The following RUNX2 variants were observed in gnomAD, a reference collection of about 807,000 sequenced individuals.
The protein encoded by RUNX2 is runt-related transcription factor 2.
A neutral mutation model predicts 51.7 loss-of-function variants in RUNX2; 10 were observed. The ratio of observed to expected loss-of-function variants is 0.19; its 90% CI spans 0.12 to 0.33. The LOEUF (loss-of-function observed/expected upper bound fraction) is 0.33. RUNX2 is among the 10% of genes least tolerant of loss of function. The pLI, the probability that RUNX2 is intolerant of heterozygous loss-of-function variation, is 1.00. For missense variants in RUNX2, 562 were observed against 691.3 expected (o/e 0.81, Z 2.10); for synonymous variants, 276 against 273.6 (o/e 1.01, Z -0.09).
intron 2 of RUNX2, among the ~76,000 whole-genome samples, chr6:45,347,956 C>T (rs918883317): frequency 1.3e-5 from 2 of 152,002 alleles, no homozygotes; most frequent in African/African-American, 4.8e-5. Flanking sequence ...ATTCCAAAAT[C>T]TCAAACAAAT....
intron 2 of RUNX2, among the ~76,000 whole-genome samples, chr6:45,361,363 T>C (rs1179371380): frequency 6.6e-6 from 1 of 152,164 alleles, no homozygotes; most frequent in African/African-American, 2.4e-5. Context: ...TAAGCACTAC[T>C]GAGCTGTGAA....
chr6:45,337,734 A>T (rs1011564792), intron 2 of RUNX2, among the ~76,000 whole-genome samples: 1 of 151,906 alleles, frequency 6.6e-6, no homozygotes, highest in Non-Finnish European at 1.5e-5. Flanking sequence ...AAGAAAGCTA[A>T]AAACAAATCT....
At position 45,438,760 on chromosome 6, in the gene RUNX2, T is replaced by A. The variant is rs1261148939; in HGVS notation, c.685+709T>A. Among the ~76,000 whole-genome samples the A allele has an allele frequency of 2.0e-5, 3 of 152,110 alleles. No individual in the cohort carries two copies. In the East Asian group the frequency reaches 5.8e-4, roughly 29 times the overall value. ...CCTTCTAAATCTAAAATGACCGAGG[T>A]TTGCTTCCCCCACCCCCACCAAAAA... is the stretch of plus-strand genomic sequence containing the variant. On this transcript the variant is annotated intron_variant, in intron 5 of 8. Transcript: ENST00000647337.
chr6:45,496,535 T>C (rs1265232886), intron 6 of RUNX2, among the ~76,000 whole-genome samples: 1 of 152,154 alleles, frequency 6.6e-6, no homozygotes, highest in Non-Finnish European at 1.5e-5. Context: ...GGGAAGGAGC[T>C]AATTTTGATT....
At chr6:45,353,071 G>A (rs971993510) in intron 2 of RUNX2, among the ~76,000 whole-genome samples, 4 of 151,738 alleles carry the variant, frequency 2.6e-5, no homozygotes, top group African/African-American at 4.9e-5. Flanking sequence ...GTAGTTAACC[G>A]GCCCACTCAT....
intron 2 of RUNX2, among the ~76,000 whole-genome samples, chr6:45,378,621 C>T (rs1797124954): frequency 6.6e-6 from 1 of 150,764 alleles, no homozygotes; most frequent in African/African-American, 2.4e-5. Flanking sequence ...AGGCGTTTAA[C>T]TACCATGTTT....
chr6:45,490,198 G>C (rs1243530785), intron 5 of RUNX2, among the ~76,000 whole-genome samples: 2 of 152,112 alleles, frequency 1.3e-5, no homozygotes, highest in Non-Finnish European at 2.9e-5. Context: ...AGTTGTTTTG[G>C]GTCATCTCTA....
At chr6:45,516,149 G>A (rs1801312448) in intron 7 of RUNX2, among the ~76,000 whole-genome samples, 1 of 152,012 alleles carries the variant, frequency 6.6e-6, no homozygotes, top group Admixed American at 6.6e-5. Flanking sequence ...GACCATTTTT[G>A]GAAGGAAGGT....
rs188746602 is a variant in RUNX2 at position 45,477,721 on chromosome 6, G to A, written c.686-14220G>A. On this transcript the variant is annotated intron_variant, in intron 5 of 8. Transcript: ENST00000647337. ...CAGTGTTTATCTTCTGACTTATAAC[G>A]TAAAAACAATTTCCTAACTGGTTTT... Among the ~76,000 whole-genome samples the A allele has an allele frequency of 5.3e-5, 8 of 152,258 alleles. No homozygotes were observed. In the East Asian group the frequency reaches 9.7e-4, roughly 18 times the overall value.
chr6:45,490,444 C>T (rs1344315636), intron 5 of RUNX2, among the ~76,000 whole-genome samples: 1 of 152,124 alleles, frequency 6.6e-6, no homozygotes, highest in African/African-American at 2.4e-5. Context: ...CAGCTACACT[C>T]ATATTACCAA....
chr6:45,402,594 C>T (rs573575553), intron 2 of RUNX2, among the ~76,000 whole-genome samples: 28 of 152,210 alleles, frequency 1.8e-4, no homozygotes, highest in South Asian at 1.4e-3. Flanking sequence ...CAGCTGGGCA[C>T]GGTGGCTCAC....
chr6:45,397,794 A>G (rs1797614844), intron 2 of RUNX2, among the ~76,000 whole-genome samples: 1 of 152,214 alleles, frequency 6.6e-6, no homozygotes, highest in Non-Finnish European at 1.5e-5. Context: ...TTATGCAAGA[A>G]TCATGCATAT....
In RUNX2 at chr6:45,445,585, T is replaced by C. The variant is rs567556355; in HGVS notation, c.685+7534T>C. On this transcript the variant is annotated intron_variant, in intron 5 of 8. Coordinates refer to ENST00000647337, the MANE Select transcript of RUNX2 (RefSeq NM_001024630.4). ...GTAGAGAAGCCCTTAACTTCCTGAC[T>C]TTCAGACTTCCCCTGGGTTCTTCAC... Among the ~76,000 whole-genome samples the C allele has an allele frequency of 2.0e-5, 3 of 152,292 alleles. No individual in the cohort carries two copies. In the South Asian group the frequency reaches 6.2e-4, roughly 32 times the overall value.
chr6:45,453,348 C>T (rs923393844), intron 5 of RUNX2, among the ~76,000 whole-genome samples: 8 of 152,216 alleles, frequency 5.3e-5, no homozygotes, highest in African/African-American at 1.9e-4. Context: ...AAGGTCTCTT[C>T]ATTACCTATG....
At chr6:45,446,094 C>T (rs1342250704) in intron 5 of RUNX2, among the ~76,000 whole-genome samples, 3 of 152,154 alleles carry the variant, frequency 2.0e-5, no homozygotes, top group African/African-American at 7.2e-5. Flanking sequence ...TTCAGCAGCA[C>T]ATGGCATGCT....
chr6:45,512,504 C>T (rs1039367499), intron 7 of RUNX2, 97 bp downstream of exon 7: 2 of 1,318,724 alleles, frequency 1.5e-6, no homozygotes, highest in Non-Finnish European at 2.2e-6. Flanking sequence ...CAGTGACTCT[C>T]TATTAGAGGC....
rs771087017 is a variant in RUNX2 at position 45,547,222 on chromosome 6, G to A, written c.1483G>A (p.Asp495Asn). Residue 495 changes from aspartate (D) to asparagine (N), a missense_variant, in exon 9 of 9, where the codon GAC becomes AAC. By Grantham distance (23) the Asp-to-Asn change is conservative. This residue lies in a region of RUNX2 where 304 missense variants were observed against 353.2 expected (regional missense o/e 0.86). Coordinates refer to ENST00000647337, the MANE Select transcript of RUNX2 (RefSeq NM_001024630.4). ...TTTGCCTAACCAGAATGATGGTGTTGACGCTGATGGAAGCCACAGCAGTTC... is the reference window on the plus strand; with the variant it reads ...TTTGCCTAACCAGAATGATGGTGTTAACGCTGATGGAAGCCACAGCAGTTC... ...PNLPNQNDGV[D>N]ADGSHSSSPT... 20 of 1,614,066 alleles carry A rather than the reference G, an allele frequency of 1.2e-5. No homozygotes were observed. Among genetic ancestry groups the A allele is most frequent in the Admixed American group, 8.3e-5 (5 of 60,002 alleles).
At chr6:45,377,356 C>G (rs1796940793) in intron 2 of RUNX2, 1 of 152,236 alleles carries the variant, frequency 6.6e-6, no homozygotes, top group Admixed American at 6.5e-5. Flanking sequence ...GGATGCTACA[C>G]TCCCACTAAC....
intron 2 of RUNX2, chr6:45,378,036 G>A (rs959962557): frequency 3.9e-5 from 6 of 152,088 alleles, no homozygotes; most frequent in South Asian, 2.1e-4. Flanking sequence ...CCCCCGCACT[G>A]GCAGTGCGGG....
Sources: gnomAD v4.1 joint callset for allele counts (sites outside exome capture counted in the v4.1 genomes callset) on GRCh38, gnomAD v4.1.1 for gene constraint, gnomAD v4.1.1 regional missense constraint, MANE v1.5 for transcripts, NCBI Gene and HGNC (gene_info 2026-07-23, HGNC 2026-07-21) for gene names.